EIF4G3: variants seen among roughly 807,000 people sequenced by gnomAD.
EIF4G3 encodes the protein eukaryotic translation initiation factor 4 gamma 3.
In EIF4G3, 34 loss-of-function variants were observed where a neutral mutation model predicts 186.4. The observed-to-expected ratio is 0.18, with a 90% CI of 0.14 to 0.24. EIF4G3 has a LOEUF of 0.24. Ranked by LOEUF, EIF4G3 falls within the 10% of genes least tolerant of loss-of-function variation. EIF4G3 has a pLI of 1.00. For synonymous variants in EIF4G3, 673 were observed against 679.5 expected (o/e 0.99, Z 0.15); for missense variants, 1,536 against 1,948.5 (o/e 0.79, Z 3.99).
intron 4 of EIF4G3, among the ~76,000 whole-genome samples, chr1:21,049,697 T>C (rs1037695561): frequency 2.0e-5 from 3 of 151,996 alleles, no homozygotes; most frequent in Admixed American, 6.6e-5. Flanking sequence ...CTGAGCAACA[T>C]AGCAAGACCC....
chr1:20,868,533 T>C (rs559262457), intron 20 of EIF4G3, among the ~76,000 whole-genome samples: 2 of 152,182 alleles, frequency 1.3e-5, no homozygotes, highest in South Asian at 4.1e-4. Context: ...AATGTAATTA[T>C]AGTAAGAGTC....
At chr1:20,834,487 A>G (rs879493992) in intron 30 of EIF4G3, among the ~76,000 whole-genome samples, 1 of 152,126 alleles carries the variant, frequency 6.6e-6, no homozygotes, top group Admixed American at 6.6e-5. Context: ...TATGCTGCTT[A>G]TAAGAGATTC....
chr1:21,097,888 T>C (rs915192872), intron 2 of EIF4G3, among the ~76,000 whole-genome samples: 6 of 152,136 alleles, frequency 3.9e-5, no homozygotes, highest in African/African-American at 1.2e-4. Context: ...ACAACTGTTA[T>C]CTTGGATTAG....
At chr1:21,047,559 C>T (rs2093964380) in intron 4 of EIF4G3, among the ~76,000 whole-genome samples, 1 of 152,184 alleles carries the variant, frequency 6.6e-6, no homozygotes, top group Non-Finnish European at 1.5e-5. Flanking sequence ...CTAAAACTCC[C>T]GATAGCCCAT....
intron 4 of EIF4G3, among the ~76,000 whole-genome samples, chr1:21,044,425 A>G (rs2093756410): frequency 6.6e-6 from 1 of 152,096 alleles, no homozygotes; most frequent in Admixed American, 6.5e-5. Context: ...GAGTGTAAAA[A>G]CTATACATTT....
At chr1:20,944,045 T>TGTGTGTGTGTGTGTGTGTGTGTG (rs1330741119) in intron 13 of EIF4G3, among the ~76,000 whole-genome samples, 1 of 144,094 alleles carries the variant, frequency 6.9e-6, no homozygotes, top group East Asian at 2.1e-4. Context: ...TGTGTGTATG[T>TGTGTGTGTGTGTGTGTGTGTGTG]TCGTTCTAGA....
At chr1:21,152,452 TAA>T (rs562452907) in intron 2 of EIF4G3, among the ~76,000 whole-genome samples, 3 of 139,606 alleles carry the variant, frequency 2.1e-5, no homozygotes, top group Non-Finnish European at 1.6e-5. Context: ...TTGCTAACAC[TAA>T]AAAAAAAAAA....
rs760709152 is a variant in EIF4G3 at position 20,971,721 on chromosome 1, C to A, written c.591+1281G>T. ...TGGCACGATCTCACTGCAACCTCCC[C>A]CTCCCAGTTTCAAGTGATTCTCGTG... is the stretch of plus-strand genomic sequence containing the variant. On this transcript the variant is annotated intron_variant, in intron 11 of 36. Transcript: ENST00000602326. Among the ~76,000 whole-genome samples the A allele has an allele frequency of 3.9e-5, 6 of 152,318 alleles. No individual in the cohort carries two copies. In the South Asian group the frequency reaches 1.2e-3, roughly 32 times the overall value.
intron 2 of EIF4G3, among the ~76,000 whole-genome samples, chr1:21,166,003 A>G (rs2097848472): frequency 6.6e-6 from 1 of 151,260 alleles, no homozygotes; most frequent in Non-Finnish European, 1.5e-5. Context: ...TCCTTAGAAC[A>G]CAGCATACAC....
chr1:21,075,345 G>C (rs2095553865), intron 3 of EIF4G3, among the ~76,000 whole-genome samples: 1 of 151,998 alleles, frequency 6.6e-6, no homozygotes, highest in Admixed American at 6.6e-5. Flanking sequence ...AAGGTGGGCA[G>C]ATCACCTGAG....
intron 25 of EIF4G3, among the ~76,000 whole-genome samples, chr1:20,855,847 T>C (rs1035812237): frequency 6.6e-6 from 1 of 152,190 alleles, no homozygotes; most frequent in Non-Finnish European, 1.5e-5. Flanking sequence ...GTACCTCCAG[T>C]ATAACTATCT....
At chr1:20,894,361 T>C (rs2087182213) in intron 17 of EIF4G3, among the ~76,000 whole-genome samples, 1 of 152,220 alleles carries the variant, frequency 6.6e-6, no homozygotes, top group Non-Finnish European at 1.5e-5. Context: ...TGAAGTAGCC[T>C]CAAATTAGCA....
intron 2 of EIF4G3, among the ~76,000 whole-genome samples, chr1:21,120,695 C>A (rs2096911433): frequency 6.6e-6 from 1 of 151,722 alleles, no homozygotes; most frequent in African/African-American, 2.4e-5. Context: ...CCTAATAGAT[C>A]CAAGATACCA....
rs1286438031 is a variant in EIF4G3 at position 20,923,002 on chromosome 1, GA to G, written c.1664-18032del. Among the ~76,000 whole-genome samples, 64 of 152,130 alleles carry G rather than the reference GA, an allele frequency of 4.2e-4. 2 individuals are homozygous for G. The highest frequency in any genetic ancestry group is 2.1e-4 in the South Asian group (1 of 4,836). ...ACAGTATTCCCATTTCAGAGATGAG[GA>G]AACTGAAGAACAGAGAGATTATAAG... On this transcript the variant is annotated intron_variant, in intron 14 of 36. Transcript: ENST00000602326.
intron 12 of EIF4G3, among the ~76,000 whole-genome samples, chr1:20,964,131 G>A (rs1420770939): frequency 6.6e-6 from 1 of 152,078 alleles, no homozygotes. Context: ...TGAGAGATTT[G>A]ATACTGAGCG....
chr1:20,980,347 G>T lies in EIF4G3; in HGVS notation c.480C>A (p.Phe160Leu). ...TTTCCTACTTACCATAAGCATTGGG[G>T]AAGTCCCCAGGTCCTGGTCCAGGAT... ...PFYPGPGPGD[F>L]PNAYGTPFYP... is the part of the protein sequence containing the mutation. The change falls in exon 10 of 37, where the codon TTC becomes TTA. Residue 160 changes from phenylalanine to leucine, a missense_variant. Physicochemically the swap from Phe to Leu is conservative, Grantham distance 22. Coordinates refer to ENST00000602326, the MANE Select transcript of EIF4G3 (RefSeq NM_001391906.1). 1 of 1,550,918 alleles carries T rather than the reference G, an allele frequency of 6.4e-7. No homozygotes were observed. The highest frequency in any genetic ancestry group is 2.5e-5 in the East Asian group (1 of 40,592).
intron 3 of EIF4G3, among the ~76,000 whole-genome samples, chr1:21,083,919 C>G (rs1413306441): frequency 6.6e-6 from 1 of 152,076 alleles, no homozygotes; most frequent in African/African-American, 2.4e-5. Flanking sequence ...ACTCAGTTGC[C>G]CAAACCAAGA....
At chr1:21,057,890 C>T (rs2094640655) in intron 3 of EIF4G3, among the ~76,000 whole-genome samples, 1 of 152,042 alleles carries the variant, frequency 6.6e-6, no homozygotes, top group African/African-American at 2.4e-5. Context: ...TTCAAGATTT[C>T]CACCAAAAAA....
rs142103671 is a variant in EIF4G3, at chr1:20,941,701, G to A, written c.1453C>T (p.Pro485Ser). Residue 485 changes from proline (P) to serine (S), a missense_variant, in exon 14 of 37, where the codon CCA becomes TCA. Around this residue, in one of 11 missense-constraint regions of EIF4G3, gnomAD observed 560 missense variants for 547.8 expected, o/e 1.02. Transcript: ENST00000602326. Reference protein sequence around the residue: ...PTPPASPPHTPVIVPAAATTV... With the variant: ...PTPPASPPHTSVIVPAAATTV... ...GTGGCAGCAGCAGGAACAATGACTGGAGTGTGAGGAGGAGAAGCTGGAGGA... is the reference window on the plus strand; with the variant it reads ...GTGGCAGCAGCAGGAACAATGACTGAAGTGTGAGGAGGAGAAGCTGGAGGA... The A allele has an allele frequency of 1.2e-6, 2 of 1,612,648 alleles. No homozygotes were observed. Among genetic ancestry groups the A allele is most frequent in the African/African-American group, 1.3e-5 (1 of 74,888 alleles).
Sources: allele counts gnomAD v4.1 joint callset (sites outside exome capture counted in the v4.1 genomes callset), GRCh38; gene constraint gnomAD v4.1.1; regional missense constraint gnomAD v4.1.1; transcripts MANE v1.5; gene names NCBI Gene and HGNC (gene_info 2026-07-23, HGNC 2026-07-21).